Variants in CCDC32 observed in about 807,000 individuals in gnomAD.
CCDC32 encodes the protein coiled-coil domain-containing protein 32.
A neutral mutation model predicts 20.1 loss-of-function variants in CCDC32; 9 were observed. That is an observed-to-expected ratio of 0.45 (90% CI 0.27 to 0.78). CCDC32 has a LOEUF of 0.78. CCDC32 is among the 30% of genes least tolerant of loss of function. The probability of loss-of-function intolerance (pLI) is 0.16; values close to 1 mark genes in which losing one functional copy is unlikely to be tolerated. For missense variants in CCDC32, 204 were observed against 215.5 expected (o/e 0.95, Z 0.33); for synonymous variants, 63 against 79.0 (o/e 0.80, Z 1.07).
chr15:40,526,539 G>A (rs1894902540), downstream of CCDC32, among the ~76,000 whole-genome samples: 2 of 152,154 alleles, frequency 1.3e-5, no homozygotes, highest in Non-Finnish European at 2.9e-5. Context: ...TAATGCTGCA[G>A]TGAATGCCTT....
intron 2 of CCDC32, chr15:40,562,179 C>G (rs966384474): frequency 1.3e-5 from 2 of 151,712 alleles, no homozygotes; most frequent in Non-Finnish European, 2.9e-5. Flanking sequence ...TTTGAATATA[C>G]GGGCAACCAA....
downstream of CCDC32, among the ~76,000 whole-genome samples, chr15:40,524,739 C>CTTTTTTTTTTTTTT (rs758786719): frequency 4.2e-5 from 4 of 95,244 alleles, 1 homozygote; most frequent in African/African-American, 1.7e-4. Context: ...CTTTTTCTTT[C>CTTTTTTTTTTTTTT]TTTTTTTTTT....
At chr15:40,523,601 C>T in the CCDC32 span, among the ~76,000 whole-genome samples, 95 of 151,772 alleles carry the variant, frequency 6.3e-4, no homozygotes, top group Admixed American at 1.4e-3. Context: ...TCAACTACTT[C>T]AGTAAAATTG....
Position 40,554,036 on chromosome 15 carries a change from C to T in CCDC32, c.493G>A (p.Val165Ile), listed in dbSNP as rs770649660. ...VQYLIPPESQ[V>I]EKPVAEDEPA... ...TCGTCCTCGGCCACTGGCTTCTCAACCTGTGACTCTGGAGGAATCAGATAC... is the reference window on the plus strand; with the variant it reads ...TCGTCCTCGGCCACTGGCTTCTCAATCTGTGACTCTGGAGGAATCAGATAC... The change falls in exon 4 of 4, where the codon GTT (valine) becomes ATT (isoleucine). Residue 165 changes from valine to isoleucine, a missense_variant. Physicochemically the swap from Val to Ile is conservative, Grantham distance 29. Coordinates refer to ENST00000416810, the MANE Select transcript of CCDC32 (RefSeq NM_001080792.4). 2.5e-6 allele frequency: 4 copies of T among 1,608,790 alleles called. No individual in the cohort carries two copies. The highest frequency in any genetic ancestry group is 3.4e-6 in the Non-Finnish European group (4 of 1,177,904).
chr15:40,554,195 C>A, intron 3 of CCDC32, 68 bp from the exon 4 acceptor site: 1 of 1,540,510 alleles, frequency 6.5e-7, no homozygotes, highest in Non-Finnish European at 8.8e-7. Flanking sequence ...ATGATTATCT[C>A]AGTTACTCAA....
At chr15:40,534,497 CT>C (rs1341449065), downstream of CCDC32, 1 of 161,216 alleles carries the variant, frequency 6.2e-6, no homozygotes, top group Admixed American at 6.1e-5. Context: ...GAAGCCCCTT[CT>C]AAAACCATCA....
At chr15:40,539,362 G>T in intron 3 of CCDC32, 1 of 1,533,968 alleles carries the variant, frequency 6.5e-7, no homozygotes, top group East Asian at 2.4e-5. Flanking sequence ...GGGCCTATGG[G>T]AATAAGACAG....
At chr15:40,534,686 T>A, downstream of CCDC32, 1 of 545,914 alleles carries the variant, frequency 1.8e-6, no homozygotes, top group South Asian at 2.2e-5. Flanking sequence ...TCTCATTGTA[T>A]CCTCACATGG....
At chr15:40,537,058 A>G (rs1030087473), downstream of CCDC32, 1 of 152,312 alleles carries the variant, frequency 6.6e-6, no homozygotes, top group Non-Finnish European at 1.5e-5. Context: ...GGCCCAGAGC[A>G]TGAGTGGAGC....
At chr15:40,551,153 C>T (rs1329251399), downstream of CCDC32, among the ~76,000 whole-genome samples, 1 of 152,062 alleles carries the variant, frequency 6.6e-6, no homozygotes, top group Non-Finnish European at 1.5e-5. Flanking sequence ...GAGGCCGAGG[C>T]GGGCGGATCA....
chr15:40,523,717 T>C (rs1894862590), downstream of CCDC32, among the ~76,000 whole-genome samples: 1 of 152,114 alleles, frequency 6.6e-6, no homozygotes, highest in Non-Finnish European at 1.5e-5. Context: ...TCAATATCAA[T>C]AGCCAACTGA....
downstream of CCDC32, chr15:40,535,867 GA>G (rs2141602847): frequency 6.0e-6 from 1 of 167,266 alleles, no homozygotes; most frequent in Admixed American, 6.5e-5. Flanking sequence ...TGCCAGGATT[GA>G]AGGAGGAAAT....
chr15:40,551,118 G>A (rs1039363577), downstream of CCDC32, among the ~76,000 whole-genome samples: 16 of 152,076 alleles, frequency 1.1e-4, no homozygotes, highest in Admixed American at 6.6e-5. Context: ...CACGGTGGCT[G>A]ACGCCTGTAA....
downstream of CCDC32, chr15:40,531,577 C>T (rs898532048): frequency 6.6e-6 from 1 of 152,016 alleles, no homozygotes; most frequent in Non-Finnish European, 1.5e-5. Context: ...ACAAGACTAG[C>T]GCAAGATTGG....
chr15:40,521,214 C>T, the CCDC32 span, among the ~76,000 whole-genome samples: 21 of 152,042 alleles, frequency 1.4e-4, no homozygotes, highest in African/African-American at 4.8e-4. Context: ...TCATCACCCC[C>T]GAAAAAGAAA....
chr15:40,536,831 A>T (rs1889133131), downstream of CCDC32: 1 of 152,278 alleles, frequency 6.6e-6, no homozygotes, highest in Non-Finnish European at 1.5e-5. Context: ...GGAGGTCAAA[A>T]CAGAGTCATG....
At chr15:40,524,267 C>G (rs1477160249), downstream of CCDC32, among the ~76,000 whole-genome samples, 11 of 150,184 alleles carry the variant, frequency 7.3e-5, no homozygotes, top group Admixed American at 6.1e-4. Context: ...CGCCATTCTC[C>G]TGCCTCAGCC....
downstream of CCDC32, chr15:40,535,488 A>G: frequency 1.0e-6 from 1 of 988,012 alleles, no homozygotes; most frequent in Non-Finnish European, 1.2e-6. Context: ...GAGTTTTTCC[A>G]CATATTGAAA....
rs60438611 is a variant in CCDC32, at chr15:40,553,905, C to CGTGTGT, written c.*60_*65dup. The CGTGTGT allele has an allele frequency of 1.8e-4, 253 of 1,435,330 alleles. 2 individuals carry two copies. In the East Asian group the frequency reaches 2.4e-3, roughly 14 times the overall value. The allele number at this position is 1,435,330 out of a possible 1,614,324, so 88.9% of individuals were successfully genotyped here. On this transcript the variant is annotated 3_prime_UTR_variant, in exon 4 of 4. Transcript: ENST00000416810. ...CTCTGGACCCGAGACAGCTGCTCGG[C>CGTGTGT]GTGTGTGTGTGTGTGTGTGTGTGTG...
Sources: allele counts gnomAD v4.1 joint callset (sites outside exome capture counted in the v4.1 genomes callset), GRCh38; gene constraint gnomAD v4.1.1; transcripts MANE v1.5; gene names NCBI Gene and HGNC (gene_info 2026-07-23, HGNC 2026-07-21).